The following ADARB2 variants were observed in gnomAD, a reference collection of about 807,000 sequenced individuals.
The protein encoded by ADARB2 is adenosine deaminase RNA specific B2 (inactive).
Under a neutral mutation model 62.2 loss-of-function variants are expected in ADARB2, and 25 were observed. The ratio of observed to expected loss-of-function variants is 0.40; its 90% CI spans 0.29 to 0.56. The LOEUF (loss-of-function observed/expected upper bound fraction) is 0.56. ADARB2 is among the 20% of genes least tolerant of loss of function. The pLI is 0.43. For synonymous variants in ADARB2, 572 were observed against 500.8 expected (o/e 1.14, Z -1.90); for missense variants, 1,071 against 1,077.4 (o/e 0.99, Z 0.08).
chr10:1,405,021 G>A (rs1188955853), intron 1 of ADARB2, among the ~76,000 whole-genome samples: 2 of 152,186 alleles, frequency 1.3e-5, no homozygotes, highest in African/African-American at 2.4e-5. Flanking sequence ...CGGCGCCTGC[G>A]TGGAGGATCG....
intron 6 of ADARB2, among the ~76,000 whole-genome samples, chr10:1,220,522 A>G (rs1289919540): frequency 6.6e-6 from 1 of 152,206 alleles, no homozygotes; most frequent in Non-Finnish European, 1.5e-5. Flanking sequence ...CTTTATGAAC[A>G]TCAACTTTCT....
chr10:1,203,524 CG>C (rs1837013772), intron 7 of ADARB2, among the ~76,000 whole-genome samples: 1 of 152,200 alleles, frequency 6.6e-6, no homozygotes, highest in South Asian at 2.1e-4. Flanking sequence ...CCACCCGTCC[CG>C]GCGTCTGCAG....
chr10:1,462,588 TGA>T (rs1165643835), intron 1 of ADARB2, among the ~76,000 whole-genome samples: 3 of 151,894 alleles, frequency 2.0e-5, no homozygotes, highest in Admixed American at 2.0e-4. Context: ...TGTATGTACA[TGA>T]GTGTATGTGC....
At chr10:1,615,854 G>T (rs1039347128) in intron 1 of ADARB2, among the ~76,000 whole-genome samples, 6 of 152,186 alleles carry the variant, frequency 3.9e-5, no homozygotes, top group Non-Finnish European at 8.8e-5. Flanking sequence ...ACCCAGTGGG[G>T]CAGCAACACT....
chr10:1,421,470 G>C (rs1205570052), intron 1 of ADARB2, among the ~76,000 whole-genome samples: 4 of 151,990 alleles, frequency 2.6e-5, no homozygotes, highest in Admixed American at 6.6e-5. Context: ...GGAGCAATTT[G>C]AACTTATTCT....
intron 1 of ADARB2, among the ~76,000 whole-genome samples, chr10:1,482,961 T>C (rs1831491497): frequency 6.6e-6 from 1 of 152,236 alleles, no homozygotes; most frequent in South Asian, 2.1e-4. Context: ...AACTTGTAAA[T>C]TGCCCATGTA....
rs574481396 is a variant in ADARB2 at position 1,585,850 on chromosome 10, C to T, written c.100+151201G>A. Among the ~76,000 whole-genome samples the T allele has an allele frequency of 7.4e-4, 112 of 152,170 alleles. 2 individuals are homozygous for T. The highest frequency in any genetic ancestry group is 1.7e-3 in the South Asian group (8 of 4,800). ...GAGATCGAGACCATCCTGGCTAACA[C>T]GGTGAAACCCCGTCTCTACTAAAAA... On this transcript the variant is annotated intron_variant, in intron 1 of 9. Coordinates refer to ENST00000381312, the MANE Select transcript of ADARB2 (RefSeq NM_018702.4).
intron 2 of ADARB2, among the ~76,000 whole-genome samples, chr10:1,377,956 C>T (rs972660684): frequency 6.6e-6 from 1 of 152,186 alleles, no homozygotes; most frequent in Non-Finnish European, 1.5e-5. Context: ...CAGACCCCTC[C>T]CACTGCCTCT....
chr10:1,303,375 A>C (rs1831593714), intron 3 of ADARB2, among the ~76,000 whole-genome samples: 1 of 151,798 alleles, frequency 6.6e-6, no homozygotes, highest in South Asian at 2.1e-4. Flanking sequence ...ATATGGGACT[A>C]TGTGAAAAGA....
intron 1 of ADARB2, among the ~76,000 whole-genome samples, chr10:1,446,428 G>A (rs952052435): frequency 3.3e-5 from 5 of 152,212 alleles, no homozygotes; most frequent in African/African-American, 1.2e-4. Context: ...TCTTCACAAT[G>A]ACTTTATGAC....
chr10:1,183,382 A>T lies in ADARB2; in HGVS notation c.2044-13T>A, dbSNP rs767258128. ...TCCGTGTGCTCAGCTGCGGACAAGA[A>T]GGAGAAAGAGCCAATCAGACACCAG... On this transcript the variant is annotated splice_polypyrimidine_tract_variant and intron_variant, in intron 9 of 9. Transcript: ENST00000381312. The T allele has an allele frequency of 4.4e-6, 7 of 1,604,048 alleles. No homozygotes were observed. Among genetic ancestry groups the T allele is most frequent in the Non-Finnish European group, 6.0e-6 (7 of 1,171,598 alleles).
In ADARB2 at chr10:1,704,202, G is replaced by T. The variant is rs368190733; in HGVS notation, c.100+32849C>A. ...ATTTTTCCATGGACTGGGGGCTGCA[G>T]GGATGGTTTCAGGATGATTCAAGCA... is the stretch of plus-strand genomic sequence containing the variant. On this transcript the variant is annotated intron_variant, in intron 1 of 9. Coordinates refer to ENST00000381312, the MANE Select transcript of ADARB2 (RefSeq NM_018702.4). The surrounding 1 kb of genome is among the most constrained non-coding windows in gnomAD (Gnocchi z 5.6). Among the ~76,000 whole-genome samples the T allele has an allele frequency of 6.6e-6, 1 of 152,216 alleles. No homozygotes were observed. Among genetic ancestry groups the T allele is most frequent in the South Asian group, 2.1e-4 (1 of 4,814 alleles).
chr10:1,288,113 G>A (rs1831429936), intron 3 of ADARB2, among the ~76,000 whole-genome samples: 1 of 152,236 alleles, frequency 6.6e-6, no homozygotes, highest in African/African-American at 2.4e-5. Flanking sequence ...AGCTGAGGGG[G>A]TGTCTGTCAG....
Position 1,204,050 on chromosome 10 carries a change from A to C in ADARB2, c.1683-3903T>G, listed in dbSNP as rs145931247. 2.3e-3 allele frequency among the ~76,000 whole-genome samples: 347 copies of C among 152,212 alleles called. 1 individual carries two copies. Among genetic ancestry groups the C allele is most frequent in the South Asian group, 8.5e-3 (41 of 4,822 alleles). On this transcript the variant is annotated intron_variant, in intron 7 of 9. Transcript: ENST00000381312. ...AGTAACTGTATCTACCTTTCACGGC[A>C]TTGGAAGAGCACAGGGGACAGTTGA...
chr10:1,208,570 G>A (rs894674152), intron 7 of ADARB2, among the ~76,000 whole-genome samples: 1 of 152,220 alleles, frequency 6.6e-6, no homozygotes, highest in South Asian at 2.1e-4. Flanking sequence ...CGAGGCCCTG[G>A]GCGGACTGAG....
At position 1,272,674 on chromosome 10, in the gene ADARB2, A is replaced by T. The variant is rs377592818; in HGVS notation, c.1078-1605T>A. Among the ~76,000 whole-genome samples, 326 of 152,332 alleles carry T rather than the reference A, an allele frequency of 2.1e-3. 1 individual carries two copies. The highest frequency in any genetic ancestry group is 7.4e-3 in the African/African-American group (308 of 41,570). On this transcript the variant is annotated intron_variant, in intron 3 of 9. Coordinates refer to ENST00000381312, the MANE Select transcript of ADARB2 (RefSeq NM_018702.4). ...TGAAAGGCACCCCGACCTTTCAGGG[A>T]CTGCTGTGAGCCTGGAGTCTTCCTG...
intron 1 of ADARB2, among the ~76,000 whole-genome samples, chr10:1,642,975 C>A (rs547948047): frequency 2.6e-4 from 39 of 152,334 alleles, no homozygotes; most frequent in African/African-American, 8.7e-4. Flanking sequence ...TCAGCATGAA[C>A]GGATTCCCAC....
chr10:1,348,407 C>G (rs115096100), intron 3 of ADARB2, among the ~76,000 whole-genome samples: 18 of 152,276 alleles, frequency 1.2e-4, no homozygotes, highest in African/African-American at 4.1e-4. Flanking sequence ...CACTCCTGGG[C>G]TGTCAGGCGA....
intron 1 of ADARB2, among the ~76,000 whole-genome samples, chr10:1,713,905 T>C (rs1343267895): frequency 6.6e-6 from 1 of 152,170 alleles, no homozygotes; most frequent in Non-Finnish European, 1.5e-5. Context: ...TGGGCCAGGG[T>C]CAGATGCCTG....
Sources: gnomAD v4.1 joint callset for allele counts (sites outside exome capture counted in the v4.1 genomes callset) on GRCh38, gnomAD v4.1.1 for gene constraint, Gnocchi (gnomAD v3.1) non-coding constraint, MANE v1.5 for transcripts, NCBI Gene and HGNC (gene_info 2026-07-23, HGNC 2026-07-21) for gene names.